The following HDAC4 variants were observed in gnomAD, a reference collection of about 807,000 sequenced individuals.
The protein encoded by HDAC4 is histone deacetylase A.
HDAC4 carries 16 observed loss-of-function variants against 135.1 expected under a neutral mutation model. That is an observed-to-expected ratio of 0.12 (90% confidence interval 0.08 to 0.18). HDAC4 has a LOEUF of 0.18. Ranked by LOEUF, HDAC4 falls within the 10% of genes least tolerant of loss-of-function variation. The pLI, the probability that HDAC4 is intolerant of heterozygous loss-of-function variation, is 1.00. For synonymous variants in HDAC4, 685 were observed against 653.4 expected, an observed-to-expected ratio of 1.05 and a Z score of -0.74; for missense variants, 1,143 against 1,511.8, an observed-to-expected ratio of 0.76 and a Z score of 4.05.
At chr2:239,346,337 C>A (rs1174256790) in intron 2 of HDAC4, among the ~76,000 whole-genome samples, 2 of 149,778 alleles carry the variant, frequency 1.3e-5, no homozygotes, top group Admixed American at 6.6e-5. Context: ...ACCATACACA[C>A]CCGTCTAAAA....
intron 4 of HDAC4, among the ~76,000 whole-genome samples, chr2:239,176,867 G>A (rs756007945): frequency 4.6e-5 from 7 of 152,188 alleles, no homozygotes; most frequent in Non-Finnish European, 8.8e-5. Flanking sequence ...TTTTGAGAAC[G>A]ACACAAAGAC....
At chr2:239,311,261 G>A (rs1171012108) in intron 2 of HDAC4, among the ~76,000 whole-genome samples, 6 of 152,122 alleles carry the variant, frequency 3.9e-5, no homozygotes, top group African/African-American at 1.2e-4. Context: ...TGAACTCCAC[G>A]TGTCCCCTGC....
At chr2:239,164,941 G>T (rs77302068) in intron 5 of HDAC4, among the ~76,000 whole-genome samples, 1 of 152,138 alleles carries the variant, frequency 6.6e-6, no homozygotes, top group Non-Finnish European at 1.5e-5. Context: ...CCTACACATA[G>T]GCCAGGCCCG....
chr2:239,158,790 C>A (rs2042588028), intron 6 of HDAC4, among the ~76,000 whole-genome samples: 1 of 152,078 alleles, frequency 6.6e-6, no homozygotes, highest in Admixed American at 6.5e-5. Flanking sequence ...CCCGCCCAGC[C>A]CTGGTCACAT....
intron 24 of HDAC4, among the ~76,000 whole-genome samples, chr2:239,066,333 A>G (rs2033477396): frequency 6.6e-6 from 1 of 152,182 alleles, no homozygotes; most frequent in Non-Finnish European, 1.5e-5. Context: ...CGAAACCCAC[A>G]TGAGGACTCC....
chr2:239,256,518 C>G (rs1027279712), intron 2 of HDAC4, among the ~76,000 whole-genome samples: 7 of 152,244 alleles, frequency 4.6e-5, no homozygotes, highest in African/African-American at 1.7e-4. Flanking sequence ...GGACTTCACC[C>G]CAGCAGCATC....
intron 18 of HDAC4, 107 bp from the exon 19 acceptor site, chr2:239,087,721 G>A (rs1312009788): frequency 9.5e-7 from 1 of 1,054,458 alleles, no homozygotes; most frequent in South Asian, 1.3e-5. Flanking sequence ...CTACACAGGA[G>A]GACAGTTTCT....
At chr2:239,322,562 T>C (rs1212233505) in intron 2 of HDAC4, among the ~76,000 whole-genome samples, 1 of 152,216 alleles carries the variant, frequency 6.6e-6, no homozygotes, top group African/African-American at 2.4e-5. Flanking sequence ...ACCCATCTAC[T>C]GTTTGACTTT....
intron 3 of HDAC4, among the ~76,000 whole-genome samples, chr2:239,224,843 C>T (rs942158012): frequency 3.9e-5 from 6 of 152,218 alleles, no homozygotes; most frequent in Admixed American, 6.5e-5. Context: ...CAGCGATTCT[C>T]GCCTCTCACA....
chr2:239,095,471 T>C (rs987431338), intron 16 of HDAC4, among the ~76,000 whole-genome samples: 2 of 152,124 alleles, frequency 1.3e-5, no homozygotes, highest in Non-Finnish European at 2.9e-5. Flanking sequence ...AGGGCTTGTC[T>C]AGCAGCCCCC....
chr2:239,175,410 G>A (rs752946172), intron 5 of HDAC4, among the ~76,000 whole-genome samples: 4 of 152,196 alleles, frequency 2.6e-5, no homozygotes, highest in Admixed American at 6.5e-5. Context: ...ACGGGTCATC[G>A]TCCCAGCAGC....
chr2:239,203,713 C>A (rs1282001316), intron 3 of HDAC4, among the ~76,000 whole-genome samples: 2 of 152,146 alleles, frequency 1.3e-5, no homozygotes, highest in African/African-American at 2.4e-5. Context: ...GACTTCACTG[C>A]AGCCTCCATC....
chr2:239,202,019 C>T (rs776636542), intron 3 of HDAC4, among the ~76,000 whole-genome samples: 2 of 152,198 alleles, frequency 1.3e-5, no homozygotes, highest in Non-Finnish European at 2.9e-5. Context: ...GATCTTTCCC[C>T]AGCCTCCACC....
At chr2:239,231,982 C>T (rs552356) in intron 3 of HDAC4, among the ~76,000 whole-genome samples, 3,335 of 27,276 alleles carry the variant, frequency 0.12, 27 homozygotes, top group South Asian at 0.22. Flanking sequence ...CTGAGGTAGG[C>T]GTCCTCCCCG....
chr2:239,057,840 G>A (rs758507293), intron 24 of HDAC4, among the ~76,000 whole-genome samples: 1 of 152,162 alleles, frequency 6.6e-6, no homozygotes, highest in Non-Finnish European at 1.5e-5. Flanking sequence ...GATGAGCCAA[G>A]AAAATGACAT....
In HDAC4 at chr2:239,095,054, A is replaced by C. The variant is rs2036884126; in HGVS notation, c.2236T>G (p.Ser746Ala). ...AGCCGGACGAACACGGAGGCGAGCGAGCCTGTGGGGGGGAGGGAGACGGTC... is the reference window on the plus strand; with the variant it reads ...AGCCGGACGAACACGGAGGCGAGCGCGCCTGTGGGGGGGAGGGAGACGGTC... ...QKLDSKKLLG[S>A]LASVFVRLPC... The change falls in exon 17 of 27, where the codon TCG becomes GCG. Residue 746 changes from serine to alanine, a missense_variant and splice_region_variant. This residue lies in a region of HDAC4 where 49 missense variants were observed against 55.6 expected (regional missense o/e 0.88). Coordinates refer to ENST00000543185, the MANE Select transcript of HDAC4 (RefSeq NM_001378414.1). 6.2e-7 allele frequency: 1 copy of C among 1,613,852 alleles called. No individual in the cohort carries two copies. The highest frequency in any genetic ancestry group is 2.2e-5 in the East Asian group (1 of 44,882).
At chr2:239,143,005 CAT>C (rs2041505269) in intron 8 of HDAC4, among the ~76,000 whole-genome samples, 1 of 152,078 alleles carries the variant, frequency 6.6e-6, no homozygotes. Flanking sequence ...CCCTGTCACA[CAT>C]GACTCCTGGG....
intron 2 of HDAC4, among the ~76,000 whole-genome samples, chr2:239,344,057 T>C (rs1391797631): frequency 1.3e-5 from 2 of 152,194 alleles, no homozygotes; most frequent in Admixed American, 6.5e-5. Context: ...TGTATTATTA[T>C]GATGAGTTTT....
intron 2 of HDAC4, among the ~76,000 whole-genome samples, chr2:239,251,843 G>A (rs1003993052): frequency 6.6e-6 from 1 of 152,094 alleles, no homozygotes; most frequent in Non-Finnish European, 1.5e-5. Flanking sequence ...TAAGAAGCAG[G>A]TGTACCATGT....
Sources: gnomAD v4.1 joint callset for allele counts (sites outside exome capture counted in the v4.1 genomes callset) on GRCh38, gnomAD v4.1.1 for gene constraint, gnomAD v4.1.1 regional missense constraint, MANE v1.5 for transcripts, NCBI Gene and HGNC (gene_info 2026-07-23, HGNC 2026-07-21) for gene names.